TMUB2: variants seen among roughly 807,000 people sequenced by gnomAD.
The protein encoded by TMUB2 is transmembrane and ubiquitin-like domain-containing protein 2.
TMUB2 carries 19 observed loss-of-function variants against 20.2 expected under a neutral mutation model. That is an observed-to-expected ratio of 0.94 (90% CI 0.66 to 1.38). The LOEUF is 1.38. Among genes scored for constraint, TMUB2 ranks in the 40% most tolerant of loss-of-function variants. The pLI, the probability that TMUB2 is intolerant of heterozygous loss-of-function variation, is 0.00. For missense variants in TMUB2, 426 were observed against 402.5 expected, an observed-to-expected ratio of 1.06 and a Z score of -0.50; for synonymous variants, 186 against 166.0, an observed-to-expected ratio of 1.12 and a Z score of -0.92.
Position 44,190,851 on chromosome 17 carries a change from T to C in TMUB2, c.953T>C (p.Met318Thr). The C allele has an allele frequency of 6.2e-7, 1 of 1,611,872 alleles. No homozygotes were observed. The highest frequency in any genetic ancestry group is 8.5e-7 in the Non-Finnish European group (1 of 1,178,736). Residue 318 changes from methionine to threonine, a missense_variant, in exon 4 of 4, where the codon ATG (methionine) becomes ACG (threonine). Coordinates refer to ENST00000538716, the MANE Select transcript of TMUB2 (RefSeq NM_001076674.3). ...TTCTTCAGCTTCCTAGTATTTGGGA[T>C]GTATGGACGATAAGGACATAGGAAG... is the stretch of plus-strand genomic sequence containing the variant. ...TVFFSFLVFG[M>T]YGR
Position 44,191,773 on chromosome 17 carries a change from G to C in TMUB2, c.*909G>C, listed in dbSNP as rs11656871. 0.34 allele frequency: 332,730 copies of C among 983,076 alleles called. 66,269 individuals are homozygous for C. The highest frequency in any genetic ancestry group is 0.86 in the African/African-American group (49,131 of 57,254). 60.9% of individuals were successfully genotyped at this position (983,076 alleles called of 1,614,324 possible). On this transcript the variant is annotated 3_prime_UTR_variant, in exon 4 of 4. Transcript: ENST00000538716. ...GAGAATGGCTTTGCGCTGCCCCCAG[G>C]AAAATGGTAATGAGAGTAGGTAGGC... is the stretch of plus-strand genomic sequence containing the variant.
At chr17:44,188,158 C>T (rs770306758) in intron 2 of TMUB2, 24 of 186,494 alleles carry the variant, frequency 1.3e-4, no homozygotes, top group Non-Finnish European at 2.5e-4. Context: ...AGGGACCCTT[C>T]CTGCCTTTCT....
chr17:44,191,465 ATTTTTT>A lies in TMUB2; in HGVS notation c.*603_*608del. ...AAGCACTTTGCTTGCATTTTATTTT[ATTTTTT>A]TAAGAGTCCTTCATAGAGCTCAGTC... On this transcript the variant is annotated 3_prime_UTR_variant, in exon 4 of 4. Coordinates refer to ENST00000538716, the MANE Select transcript of TMUB2 (RefSeq NM_001076674.3). The A allele has an allele frequency of 2.0e-6, 2 of 985,724 alleles. No homozygotes were observed. The highest frequency in any genetic ancestry group is 2.4e-6 in the Non-Finnish European group (2 of 830,046). The allele number at this position is 985,724 out of a possible 1,614,324, so 61.1% of individuals were successfully genotyped here. A position where few individuals can be genotyped will look rare whatever the true frequency, so the allele number is the denominator to read the frequency against.
rs2054924830 is a variant in TMUB2, at chr17:44,189,029, C to A, written c.43C>A (p.Pro15Thr). The change falls in exon 3 of 4, where the codon CCT (proline) becomes ACT (threonine). Residue 15 changes from proline (P) to threonine (T), a missense_variant. By Grantham distance (38) the Pro-to-Thr change is conservative (BLOSUM62 -1). Transcript: ENST00000538716. Reference sequence around the variant, plus strand: ...CCCCCTTTGTTCCTGCAGCGTGGACCCTGCCAGCAGCCAGGCCATGGAGCT... The same window carrying A: ...CCCCCTTTGTTCCTGCAGCGTGGACACTGCCAGCAGCCAGGCCATGGAGCT... ...HLQNNLMSVD[P>T]ASSQAMELSD... 6.2e-7 allele frequency: 1 copy of A among 1,612,468 alleles called. No homozygotes were observed. Among genetic ancestry groups the A allele is most frequent in the Non-Finnish European group, 8.5e-7 (1 of 1,179,252 alleles).
At chr17:44,188,389 A>G in intron 2 of TMUB2, among the ~76,000 whole-genome samples, 1 of 152,184 alleles carries the variant, frequency 6.6e-6, no homozygotes, top group East Asian at 1.9e-4. Context: ...TGTCTGCTGC[A>G]TAGTATCTGC....
Position 44,191,788 on chromosome 17 carries a change from A to T in TMUB2, c.*924A>T, listed in dbSNP as rs1158604383. The T allele has an allele frequency of 1.0e-6, 1 of 972,148 alleles. No homozygotes were observed. The highest frequency in any genetic ancestry group is 1.8e-5 in the African/African-American group (1 of 56,836). 60.2% of individuals were successfully genotyped at this position (972,148 alleles called of 1,614,324 possible). ...CTGCCCCCAGGAAAATGGTAATGAG[A>T]GTAGGTAGGCCGGGGCTACCAACGG... On this transcript the variant is annotated 3_prime_UTR_variant, in exon 4 of 4. Coordinates refer to ENST00000538716, the MANE Select transcript of TMUB2 (RefSeq NM_001076674.3).
intron 3 of TMUB2, chr17:44,189,819 T>C: frequency 2.3e-6 from 1 of 428,704 alleles, no homozygotes; most frequent in Non-Finnish European, 4.1e-6. Flanking sequence ...GAGACCAGCC[T>C]GACCAACATG....
In TMUB2 at chr17:44,189,108, G is replaced by C. The variant is rs777001576; in HGVS notation, c.122G>C (p.Gly41Ala). 6.2e-7 allele frequency: 1 copy of C among 1,614,092 alleles called. No individual in the cohort carries two copies. The highest frequency in any genetic ancestry group is 1.1e-5 in the South Asian group (1 of 91,084). The change falls in exon 3 of 4, where the codon GGT (glycine) becomes GCT (alanine). Residue 41 changes from glycine to alanine, a missense_variant. Physicochemically the swap from Gly to Ala is moderately conservative, Grantham distance 60 (BLOSUM62 0). Coordinates refer to ENST00000538716, the MANE Select transcript of TMUB2 (RefSeq NM_001076674.3). ...GVGNEVMVVA[G>A]VVVLILALVL... The stretch of plus-strand genomic sequence containing the variant: ...GGTAATGAGGTGATGGTGGTGGCAG[G>C]TGTGGTGGTGCTGATTCTAGCCTTG...
intron 3 of TMUB2, chr17:44,189,861 A>C: frequency 3.8e-6 from 1 of 266,638 alleles, no homozygotes; most frequent in Non-Finnish European, 7.1e-6. Context: ...ACATACAAAA[A>C]TCAGCCGGGC....
intron 3 of TMUB2, 106 bp from the exon 4 acceptor site, chr17:44,190,395 A>C (rs996313410): frequency 1.4e-5 from 17 of 1,239,838 alleles, no homozygotes; most frequent in Non-Finnish European, 1.7e-5. Context: ...GGAAAAAAAA[A>C]TCCACCCTCC....
At position 44,191,871 on chromosome 17, in the gene TMUB2, C is replaced by A. The variant is rs2055656412; in HGVS notation, c.*1007C>A. On this transcript the variant is annotated 3_prime_UTR_variant, in exon 4 of 4. Transcript: ENST00000538716. ...GGGCAGAGGGAATACACAGCGTTTACAAAGTTAGCTACCTGTACAGAATGG... is the reference window on the plus strand; with the variant it reads ...GGGCAGAGGGAATACACAGCGTTTAAAAAGTTAGCTACCTGTACAGAATGG... The A allele has an allele frequency of 2.8e-6, 1 of 357,540 alleles. No individual in the cohort carries two copies. The highest frequency in any genetic ancestry group is 2.2e-5 in the African/African-American group (1 of 44,716). The allele number at this position is 357,540 out of a possible 1,614,324, so 22.1% of individuals were successfully genotyped here. A position where few individuals can be genotyped will look rare whatever the true frequency, so the allele number is the denominator to read the frequency against.
rs9895154 is a variant in TMUB2, at chr17:44,190,581, G to C, written c.683G>C (p.Arg228Pro). The C allele has an allele frequency of 5.9e-5, 96 of 1,614,016 alleles. No individual in the cohort carries two copies. Among genetic ancestry groups the C allele is most frequent in the Non-Finnish European group, 7.9e-5 (93 of 1,180,034 alleles). ...CTACAAGACCCAGCCCGCACACTGC[G>C]TTCTCTGAACATTACCGACAACTGT... ...RLLQDPARTL[R>P]SLNITDNCVI... Residue 228 changes from arginine to proline, a missense_variant, in exon 4 of 4, where the codon CGT (arginine) becomes CCT (proline). By Grantham distance (103) the Arg-to-Pro change is moderately radical. Coordinates refer to ENST00000538716, the MANE Select transcript of TMUB2 (RefSeq NM_001076674.3).
rs2055475371 is a variant in TMUB2 at position 44,190,921 on chromosome 17, T to C, written c.*57T>C. Reference sequence around the variant, plus strand: ...TTCTCCTTTACGGCCTCCCCACTTTTCCTGGCCAGAGCTGGGCCCAAGGGC... The same window carrying C: ...TTCTCCTTTACGGCCTCCCCACTTTCCCTGGCCAGAGCTGGGCCCAAGGGC... On this transcript the variant is annotated 3_prime_UTR_variant, in exon 4 of 4. Coordinates refer to ENST00000538716, the MANE Select transcript of TMUB2 (RefSeq NM_001076674.3). 2 of 1,539,904 alleles carry C rather than the reference T, an allele frequency of 1.3e-6. No homozygotes were observed. The highest frequency in any genetic ancestry group is 1.7e-6 in the Non-Finnish European group (2 of 1,145,594).
chr17:44,188,752 T>G (rs1260641294), intron 2 of TMUB2: 1 of 391,390 alleles, frequency 2.6e-6, no homozygotes, highest in Admixed American at 4.2e-5. Flanking sequence ...GGGCTTTTCC[T>G]GCTGATCCAC....
chr17:44,190,998 A>G lies in TMUB2; in HGVS notation c.*134A>G. 3.4e-6 allele frequency: 5 copies of G among 1,487,218 alleles called. No individual in the cohort carries two copies. Among genetic ancestry groups the G allele is most frequent in the Non-Finnish European group, 4.4e-6 (5 of 1,127,046 alleles). 92.1% of individuals were successfully genotyped at this position (1,487,218 alleles called of 1,614,324 possible). The stretch of plus-strand genomic sequence containing the variant: ...GATGGAAATCTCCTCCATAGGACAC[A>G]GGAGGCAAGTATGCGGCCTCCCCTT... On this transcript the variant is annotated 3_prime_UTR_variant, in exon 4 of 4. Coordinates refer to ENST00000538716, the MANE Select transcript of TMUB2 (RefSeq NM_001076674.3).
Position 44,190,891 on chromosome 17 carries a change from G to T in TMUB2, c.*27G>T. 1 of 1,578,260 alleles carries T rather than the reference G, an allele frequency of 6.3e-7. No individual in the cohort carries two copies. The highest frequency in any genetic ancestry group is 8.6e-7 in the Non-Finnish European group (1 of 1,161,316). ...GACATAGGAAGAAAATGAAAGGCAT[G>T]GTCTTTCTCCTTTACGGCCTCCCCA... On this transcript the variant is annotated 3_prime_UTR_variant, in exon 4 of 4. Transcript: ENST00000538716.
intron 1 of TMUB2, 139 bp from the exon 2 acceptor site, chr17:44,187,537 G>T: frequency 1.6e-6 from 1 of 631,452 alleles, no homozygotes; most frequent in Non-Finnish European, 2.9e-6. Context: ...CTGTGTCTGT[G>T]CCAATCGTTT....
rs769682040 is a variant in TMUB2 at position 44,190,810 on chromosome 17, G to A, written c.912G>A (p.Leu304=). ...QFFTAPATVS[L]VGVTVFFSFL... is the part of the protein sequence containing the mutation. ...TCACAGCACCTGCCACTGTCTCCCT[G>A]GTGGGAGTCACCGTCTTCTTCAGCT... Residue 304 remains leucine (L), a synonymous_variant, in exon 4 of 4, where the codon CTG becomes CTA. Coordinates refer to ENST00000538716, the MANE Select transcript of TMUB2 (RefSeq NM_001076674.3). 16 of 1,614,060 alleles carry A rather than the reference G, an allele frequency of 9.9e-6. No individual in the cohort carries two copies. Among genetic ancestry groups the A allele is most frequent in the Middle Eastern group, 1.6e-4 (1 of 6,084 alleles).
intron 3 of TMUB2, 94 bp downstream of exon 3, chr17:44,189,682 A>G: frequency 8.2e-7 from 1 of 1,214,262 alleles, no homozygotes; most frequent in South Asian, 1.5e-5. Flanking sequence ...AGCTGCAGCA[A>G]AGTGTAAGAT....
Sources: allele counts gnomAD v4.1 joint callset (sites outside exome capture counted in the v4.1 genomes callset), GRCh38; gene constraint gnomAD v4.1.1; transcripts MANE v1.5; gene names NCBI Gene and HGNC (gene_info 2026-07-23, HGNC 2026-07-21).